MYO10: variants seen among roughly 807,000 people sequenced by gnomAD.
The protein encoded by MYO10 is unconventional myosin-X.
In MYO10, 133 loss-of-function variants were observed where a neutral mutation model predicts 257.3. The observed-to-expected ratio is 0.52, with a 90% CI of 0.45 to 0.60. The LOEUF (loss-of-function observed/expected upper bound fraction) is 0.60. MYO10 is among the 20% of genes least tolerant of loss of function. The probability of loss-of-function intolerance (pLI) is 0.00; values close to 1 mark genes in which losing one functional copy is unlikely to be tolerated. For missense variants in MYO10, 2,399 were observed against 2,635.7 expected (o/e 0.91, Z 1.97); for synonymous variants, 1,104 against 1,028.6 (o/e 1.07, Z -1.40).
rs1011229038 is a variant in MYO10 at position 16,725,810 on chromosome 5, C to T, written c.1930-14565G>A. 2.9e-4 allele frequency among the ~76,000 whole-genome samples: 40 copies of T among 138,060 alleles called. 1 individual carries two copies. The South Asian group carries it at 5.9e-3, about 20-fold the overall frequency. The allele number at this position is 138,060 out of a possible 152,430, so 90.6% of individuals were successfully genotyped here. The stretch of plus-strand genomic sequence containing the variant: ...CCCTTTTTTTTTTTTTTTTGTGAGG[C>T]GGAGTCTAGCTCTGTCACCCATGCT... On this transcript the variant is annotated intron_variant, in intron 19 of 40. Coordinates refer to ENST00000513610, the MANE Select transcript of MYO10 (RefSeq NM_012334.3).
intron 19 of MYO10, among the ~76,000 whole-genome samples, chr5:16,730,685 G>A (rs893751720): frequency 3.9e-5 from 6 of 152,198 alleles, no homozygotes; most frequent in Non-Finnish European, 5.9e-5. Context: ...ACAGAATACA[G>A]AGACCCAGGT....
rs565096655 is a variant in MYO10, at chr5:16,766,579, G to A, written c.1061-381C>T. On this transcript the variant is annotated intron_variant, in intron 10 of 40. Transcript: ENST00000513610. The stretch of plus-strand genomic sequence containing the variant: ...CAAGCAGCTGGGACTATAGGCACCC[G>A]CTACCACGCCTGGCTAATTTTTTTG... 4.0e-5 allele frequency among the ~76,000 whole-genome samples: 6 copies of A among 151,584 alleles called. 1 individual carries two copies. In the South Asian group the frequency reaches 8.3e-4, roughly 21 times the overall value.
intron 17 of MYO10, among the ~76,000 whole-genome samples, chr5:16,760,534 C>T (rs879379414): frequency 6.6e-6 from 1 of 151,598 alleles, no homozygotes; most frequent in Non-Finnish European, 1.5e-5. Flanking sequence ...TAACTTATCA[C>T]TGCAAGTTTC....
At chr5:16,690,042 C>A (rs1269414641) in intron 27 of MYO10, 123 bp from the exon 28 acceptor site, 1 of 702,944 alleles carries the variant, frequency 1.4e-6, no homozygotes, top group Non-Finnish European at 2.5e-6. Context: ...AAACGGTACA[C>A]AGTTGGCTCT....
At chr5:16,787,645 A>G (rs892564368) in intron 4 of MYO10, among the ~76,000 whole-genome samples, 16 of 151,024 alleles carry the variant, frequency 1.1e-4, no homozygotes, top group Non-Finnish European at 1.8e-4. Flanking sequence ...CTTTCTAACT[A>G]TAATAATGAA....
chr5:16,732,853 G>A (rs1257922772), intron 19 of MYO10, among the ~76,000 whole-genome samples: 2 of 152,198 alleles, frequency 1.3e-5, no homozygotes, highest in East Asian at 3.8e-4. Context: ...TATTGTAAGA[G>A]CTGAGCGCGG....
chr5:16,675,215 G>A, intron 34 of MYO10, 65 bp from the exon 35 acceptor site: 7 of 1,535,842 alleles, frequency 4.6e-6, no homozygotes, highest in South Asian at 2.3e-5. Flanking sequence ...GAGCATAATC[G>A]GAGCAGTAGT....
chr5:16,900,630 C>T (rs1745350285), intron 1 of MYO10, among the ~76,000 whole-genome samples: 1 of 152,118 alleles, frequency 6.6e-6, no homozygotes, highest in Non-Finnish European at 1.5e-5. Flanking sequence ...GTTCTCACCA[C>T]CTCCCAGGTC....
chr5:16,806,647 C>CAAA lies in MYO10; in HGVS notation c.279+11359_279+11361dup, dbSNP rs11378656. Among the ~76,000 whole-genome samples the CAAA allele has an allele frequency of 9.8e-3, 1,403 of 143,892 alleles. 16 individuals carry two copies. Among genetic ancestry groups the CAAA allele is most frequent in the Non-Finnish European group, 0.015 (1,023 of 66,070 alleles). The allele number at this position is 143,892 out of a possible 152,430, so 94.4% of individuals were successfully genotyped here. A position where few individuals can be genotyped will look rare whatever the true frequency, so the allele number is the denominator to read the frequency against. On this transcript the variant is annotated intron_variant, in intron 3 of 40. Transcript: ENST00000513610. ...TGGGCGACAGAGCAAGACTCCGTCT[C>CAAA]AAAAAAAAAAAAAATCAAGTATAAC...
intron 1 of MYO10, among the ~76,000 whole-genome samples, chr5:16,920,003 C>T (rs71609340): frequency 2.2e-4 from 34 of 152,122 alleles, no homozygotes; most frequent in South Asian, 6.2e-4. Flanking sequence ...CCCAGCTACT[C>T]GGGAGGCTGA....
intron 29 of MYO10, 60 bp from the exon 30 acceptor site, chr5:16,683,995 A>G: frequency 6.8e-7 from 1 of 1,477,770 alleles, no homozygotes. Flanking sequence ...TGCACACTAC[A>G]GTAATACCTC....
At position 16,841,337 on chromosome 5, in the gene MYO10, C is replaced by T. The variant is rs566006217; in HGVS notation, c.121-23170G>A. On this transcript the variant is annotated intron_variant, in intron 2 of 40. Coordinates refer to ENST00000513610, the MANE Select transcript of MYO10 (RefSeq NM_012334.3). ...GACAATTATTTTGTGAGTTGAACTA[C>T]GCCCATTAAAAGTTCTGTACAAAAG... Among the ~76,000 whole-genome samples the T allele has an allele frequency of 3.1e-3, 465 of 152,110 alleles. 2 individuals are homozygous for T. The highest frequency in any genetic ancestry group is 8.3e-3 in the Admixed American group (126 of 15,252).
At chr5:16,770,542 C>T (rs1469839865) in intron 9 of MYO10, among the ~76,000 whole-genome samples, 1 of 151,904 alleles carries the variant, frequency 6.6e-6, no homozygotes, top group Non-Finnish European at 1.5e-5. Context: ...ATTCTTGTGA[C>T]CAAAAAAAGC....
chr5:16,896,324 G>T (rs990850965), intron 1 of MYO10, among the ~76,000 whole-genome samples: 2 of 151,978 alleles, frequency 1.3e-5, no homozygotes, highest in African/African-American at 4.8e-5. Flanking sequence ...GGCCAGGCAC[G>T]GTGGCTCATG....
At chr5:16,677,863 C>T (rs964751121) in intron 33 of MYO10, among the ~76,000 whole-genome samples, 5 of 151,660 alleles carry the variant, frequency 3.3e-5, no homozygotes, top group East Asian at 1.9e-4. Flanking sequence ...TGGGTTCAAG[C>T]GAGTCTTCTG....
At chr5:16,779,855 G>A (rs1398354789) in intron 8 of MYO10, among the ~76,000 whole-genome samples, 1 of 152,154 alleles carries the variant, frequency 6.6e-6, no homozygotes, top group Non-Finnish European at 1.5e-5. Context: ...AAATGTTACT[G>A]AAAGAACAAC....
Position 16,683,913 on chromosome 5 carries a change from A to G in MYO10, c.4013T>C (p.Ile1338Thr). Residue 1338 changes from isoleucine to threonine, a missense_variant, in exon 30 of 41, where the codon ATT (isoleucine) becomes ACT (threonine). Physicochemically the swap from Ile to Thr is moderately conservative, Grantham distance 89. Around this residue, in one of 3 missense-constraint regions of MYO10, gnomAD observed 1,820 missense variants for 1,939.4 expected, o/e 0.94. Coordinates refer to ENST00000513610, the MANE Select transcript of MYO10 (RefSeq NM_012334.3). ...GCTGTCAGAGGCACACACAGAATCA[A>G]TCAGCCCCACATCCAAGGTGCCCTG... ...NAVGTLDVGL[I>T]DSVCASDSPD... 1 of 1,613,776 alleles carries G rather than the reference A, an allele frequency of 6.2e-7. No homozygotes were observed. The highest frequency in any genetic ancestry group is 8.5e-7 in the Non-Finnish European group (1 of 1,179,834).
chr5:16,743,618 G>C (rs1454919021), intron 19 of MYO10, among the ~76,000 whole-genome samples: 1 of 151,854 alleles, frequency 6.6e-6, no homozygotes, highest in Non-Finnish European at 1.5e-5. Flanking sequence ...ACTCTAGCCT[G>C]AGTGAAAGAG....
chr5:16,790,768 A>G lies in MYO10; in HGVS notation c.467+3878T>C, dbSNP rs543460439. 3.3e-5 allele frequency among the ~76,000 whole-genome samples: 5 copies of G among 152,270 alleles called. No homozygotes were observed. In the East Asian group the frequency reaches 9.6e-4, roughly 29 times the overall value. ...CAGTGTGAAAACGGACTAATACACCATAATAAACTAAACCCTGTCTGGCCT... is the reference window on the plus strand; with the variant it reads ...CAGTGTGAAAACGGACTAATACACCGTAATAAACTAAACCCTGTCTGGCCT... On this transcript the variant is annotated intron_variant, in intron 4 of 40. Transcript: ENST00000513610.
Sources: allele counts gnomAD v4.1 joint callset (sites outside exome capture counted in the v4.1 genomes callset), GRCh38; gene constraint gnomAD v4.1.1; regional missense constraint gnomAD v4.1.1; transcripts MANE v1.5; gene names NCBI Gene and HGNC (gene_info 2026-07-23, HGNC 2026-07-21).